The following GTF2H5 variants were observed in gnomAD, a reference collection of about 807,000 sequenced individuals.
GTF2H5 encodes the protein general transcription factor IIH subunit 5, also known as TFB5 ortholog.
A neutral mutation model predicts 7.1 loss-of-function variants in GTF2H5; 5 were observed. That is an observed-to-expected ratio of 0.71 (90% CI 0.37 to 1.49). The LOEUF is 1.49. Among genes scored for constraint, GTF2H5 ranks in the 40% most tolerant of loss-of-function variants. The probability of loss-of-function intolerance (pLI) is 0.03; values close to 1 mark genes in which losing one functional copy is unlikely to be tolerated. For synonymous variants in GTF2H5, 30 were observed against 31.7 expected, an observed-to-expected ratio of 0.95 and a Z score of 0.18; for missense variants, 80 against 83.0, an observed-to-expected ratio of 0.96 and a Z score of 0.14.
At position 158,169,655 on chromosome 6, in the gene GTF2H5, A is replaced by C. The variant is rs1179841878; in HGVS notation, c.-34-815A>C. 2.8e-4 allele frequency among the ~76,000 whole-genome samples: 16 copies of C among 56,418 alleles called. 2 individuals carry two copies. The Admixed American group carries it at 4.0e-3, about 14-fold the overall frequency. The allele number at this position is 56,418 out of a possible 152,430, so 37.0% of individuals were successfully genotyped here. ...GTATATTACATATATTGTATATTAC[A>C]TATAATATATTGTATATTATATAAT... On this transcript the variant is annotated intron_variant, in intron 1 of 2. Transcript: ENST00000607778.
chr6:158,176,191 C>T (rs1280609111), intron 2 of GTF2H5, among the ~76,000 whole-genome samples: 1 of 152,116 alleles, frequency 6.6e-6, no homozygotes, highest in Non-Finnish European at 1.5e-5. Context: ...GTTACATATA[C>T]TATCTCTCCA....
intron 2 of GTF2H5, among the ~76,000 whole-genome samples, chr6:158,182,441 A>G (rs749936094): frequency 6.6e-6 from 1 of 152,136 alleles, no homozygotes; most frequent in Non-Finnish European, 1.5e-5. Flanking sequence ...GGTTGGGGAA[A>G]TTCTCCTGGA....
rs1298421695 is a variant in GTF2H5 at position 158,169,653 on chromosome 6, A to G, written c.-34-817A>G. ...TTGTATATTACATATATTGTATATT[A>G]CATATAATATATTGTATATTATATA... On this transcript the variant is annotated intron_variant, in intron 1 of 2. Coordinates refer to ENST00000607778, the MANE Select transcript of GTF2H5 (RefSeq NM_207118.3). Among the ~76,000 whole-genome samples, 13 of 47,212 alleles carry G rather than the reference A, an allele frequency of 2.8e-4. 1 individual carries two copies. Among genetic ancestry groups the G allele is most frequent in the African/African-American group, 1.3e-3 (7 of 5,448 alleles). 31.0% of individuals were successfully genotyped at this position (47,212 alleles called of 152,430 possible).
chr6:158,175,993 T>C (rs1022837989), intron 2 of GTF2H5, among the ~76,000 whole-genome samples: 6 of 152,234 alleles, frequency 3.9e-5, no homozygotes, highest in African/African-American at 1.4e-4. Flanking sequence ...ACATGTGCTA[T>C]ACTAAGCACT....
intron 2 of GTF2H5, among the ~76,000 whole-genome samples, chr6:158,178,353 A>C (rs1410711063): frequency 1.4e-5 from 2 of 146,950 alleles, no homozygotes; most frequent in Non-Finnish European, 3.0e-5. Context: ...GCTACTCAGG[A>C]GGCTGAGGCA....
chr6:158,186,963 TTGTTTTGTTTTG>T (rs375651975), intron 2 of GTF2H5, among the ~76,000 whole-genome samples: 2,217 of 152,102 alleles, frequency 0.015, 57 homozygotes, highest in African/African-American at 0.047. Context: ...AGAGTTGTTT[TTGTTTTGTTTTG>T]TGTTTTGTTT....
chr6:158,194,374 T>C lies in GTF2H5; in HGVS notation c.*2217T>C, dbSNP rs977124487. The C allele has an allele frequency of 2.6e-5, 4 of 152,176 alleles. No homozygotes were observed. The highest frequency in any genetic ancestry group is 5.9e-5 in the Non-Finnish European group (4 of 68,036). 9.4% of individuals were successfully genotyped at this position (152,176 alleles called of 1,614,324 possible). A position where few individuals can be genotyped will look rare whatever the true frequency, so the allele number is the denominator to read the frequency against. Reference sequence around the variant, plus strand: ...AGGGGCTTGATTTTCCTTTATACTTTGGTTTAGGAAGGGGACGGGAGCTCA... The same window carrying C: ...AGGGGCTTGATTTTCCTTTATACTTCGGTTTAGGAAGGGGACGGGAGCTCA... On this transcript the variant is annotated 3_prime_UTR_variant, in exon 3 of 3. Transcript: ENST00000607778.
chr6:158,176,992 C>T (rs1163651302), intron 2 of GTF2H5, among the ~76,000 whole-genome samples: 1 of 152,118 alleles, frequency 6.6e-6, no homozygotes, highest in African/African-American at 2.4e-5. Flanking sequence ...CCAGGTGTTC[C>T]TTGCCCTCAT....
At chr6:158,169,248 C>T (rs1785701847) in intron 1 of GTF2H5, among the ~76,000 whole-genome samples, 1 of 128,590 alleles carries the variant, frequency 7.8e-6, no homozygotes, top group African/African-American at 2.9e-5. Flanking sequence ...TGTATATATA[C>T]ATATATATAT....
In GTF2H5 at chr6:158,199,245, T is replaced by C. The variant is rs1777157662; in HGVS notation, c.*7088T>C. ...TACAGTGTTCACTCTTTGGGTAATGTGTACAATAGAAGCCCAATCCCCACC... is the reference window on the plus strand; with the variant it reads ...TACAGTGTTCACTCTTTGGGTAATGCGTACAATAGAAGCCCAATCCCCACC... On this transcript the variant is annotated 3_prime_UTR_variant, in exon 3 of 3. Transcript: ENST00000607778. 1 of 151,460 alleles carries C rather than the reference T, an allele frequency of 6.6e-6. No homozygotes were observed. The highest frequency in any genetic ancestry group is 6.6e-5 in the Admixed American group (1 of 15,246). The allele number at this position is 151,460 out of a possible 1,614,324, so 9.4% of individuals were successfully genotyped here.
intron 1 of GTF2H5, among the ~76,000 whole-genome samples, chr6:158,169,266 A>G (rs908373771): frequency 1.5e-5 from 2 of 130,830 alleles, no homozygotes; most frequent in African/African-American, 5.8e-5. Context: ...TATATTATAT[A>G]TGTATTTTAT....
chr6:158,197,147 G>T lies in GTF2H5; in HGVS notation c.*4990G>T. ...GAATTCAGAGACAGGTATAAAGACT[G>T]CTTGGTGATTTTGAAAGGACTGAGA... On this transcript the variant is annotated 3_prime_UTR_variant, in exon 3 of 3. Transcript: ENST00000607778. 6.5e-6 allele frequency: 1 copy of T among 154,302 alleles called. No individual in the cohort carries two copies. The allele number at this position is 154,302 out of a possible 1,614,324, so 9.6% of individuals were successfully genotyped here. A position where few individuals can be genotyped will look rare whatever the true frequency, so the allele number is the denominator to read the frequency against.
At chr6:158,189,652 A>G (rs866697961) in intron 2 of GTF2H5, among the ~76,000 whole-genome samples, 1 of 152,018 alleles carries the variant, frequency 6.6e-6, no homozygotes, top group Admixed American at 6.6e-5. Flanking sequence ...CGCCAGACCT[A>G]TGGTCTGTTG....
intron 2 of GTF2H5, among the ~76,000 whole-genome samples, chr6:158,174,781 C>T (rs1427115350): frequency 6.6e-6 from 1 of 152,150 alleles, no homozygotes; most frequent in Non-Finnish European, 1.5e-5. Context: ...CAGTTTACAT[C>T]ACAATAGCAA....
chr6:158,173,877 A>T (rs1785892363), intron 2 of GTF2H5, among the ~76,000 whole-genome samples: 1 of 152,122 alleles, frequency 6.6e-6, no homozygotes, highest in African/African-American at 2.4e-5. Context: ...CAAGGGGTGG[A>T]TTATTCGTGA....
Position 158,188,485 on chromosome 6 carries a change from A to G in GTF2H5, c.36-3492A>G, listed in dbSNP as rs1583637479. Among the ~76,000 whole-genome samples the G allele has an allele frequency of 2.6e-5, 4 of 152,330 alleles. No homozygotes were observed. The South Asian group carries it at 8.3e-4, about 32-fold the overall frequency. On this transcript the variant is annotated intron_variant, in intron 2 of 2. Coordinates refer to ENST00000607778, the MANE Select transcript of GTF2H5 (RefSeq NM_207118.3). ...GGAAGCACCCTGTTTAACCTGCTTC[A>G]TCAACCCCACGTTCCTTCTAGAATT...
At chr6:158,187,808 C>T (rs1014994249) in intron 2 of GTF2H5, among the ~76,000 whole-genome samples, 22 of 152,196 alleles carry the variant, frequency 1.4e-4, no homozygotes, top group East Asian at 7.7e-4. Context: ...CCTCGTGATC[C>T]GCCTGCCTCG....
At chr6:158,180,665 T>C (rs1224239018) in intron 2 of GTF2H5, among the ~76,000 whole-genome samples, 2 of 152,176 alleles carry the variant, frequency 1.3e-5, no homozygotes, top group Non-Finnish European at 1.5e-5. Context: ...ATAGAGGTGT[T>C]TATAGTATTC....
chr6:158,172,456 G>A (rs747292033), intron 2 of GTF2H5, among the ~76,000 whole-genome samples: 2 of 151,702 alleles, frequency 1.3e-5, no homozygotes, highest in Admixed American at 6.6e-5. Flanking sequence ...CACCACACCC[G>A]GCTAATTTTA....
Sources: gnomAD v4.1 joint callset for allele counts (sites outside exome capture counted in the v4.1 genomes callset) on GRCh38, gnomAD v4.1.1 for gene constraint, MANE v1.5 for transcripts, NCBI Gene and HGNC (gene_info 2026-07-23, HGNC 2026-07-21) for gene names.